The following GNA14 variants were observed in gnomAD, a reference collection of about 807,000 sequenced individuals.
GNA14 encodes the protein G protein subunit alpha 14.
In GNA14, 50 loss-of-function variants were observed where a neutral mutation model predicts 42.0. The observed-to-expected ratio is 1.19, with a 90% confidence interval of 0.95 to 1.51. GNA14 has a LOEUF of 1.51. GNA14 is among the 40% of genes most tolerant of loss of function. The pLI, the probability that GNA14 is intolerant of heterozygous loss-of-function variation, is 0.00. For missense variants in GNA14, 473 were observed against 446.2 expected, an observed-to-expected ratio of 1.06 and a Z score of -0.54; for synonymous variants, 173 against 163.1, an observed-to-expected ratio of 1.06 and a Z score of -0.46.
chr9:77,457,095 A>G lies in GNA14; in HGVS notation c.310-22573T>C, dbSNP rs145309163. Among the ~76,000 whole-genome samples the G allele has an allele frequency of 3.3e-3, 505 of 152,302 alleles. 4 individuals carry two copies. Among genetic ancestry groups the G allele is most frequent in the African/African-American group, 0.012 (489 of 41,550 alleles). ...CCAGGGTGCTTACTTTATACCTAAC[A>G]CTTACAAAGTTTCAGCCAGAACGAC... is the stretch of plus-strand genomic sequence containing the variant. On this transcript the variant is annotated intron_variant, in intron 2 of 6. Transcript: ENST00000341700.
intron 1 of GNA14, among the ~76,000 whole-genome samples, chr9:77,550,440 G>A (rs546633640): frequency 6.6e-6 from 1 of 152,172 alleles, no homozygotes; most frequent in Non-Finnish European, 1.5e-5. Context: ...AGCTAAAGGT[G>A]CTAAGATTCC....
rs796573850 is a variant in GNA14, at chr9:77,581,012, A to G, written c.125-51759T>C. Among the ~76,000 whole-genome samples the G allele has an allele frequency of 4.0e-5, 6 of 150,010 alleles. No individual in the cohort carries two copies. The South Asian group carries it at 1.3e-3, about 32-fold the overall frequency. ...AAAGATACAATAAAGGCACACACAC[A>G]CACACACACACACACACACACACAC... On this transcript the variant is annotated intron_variant, in intron 1 of 6. Transcript: ENST00000341700.
chr9:77,492,272 T>G (rs1836788011), intron 2 of GNA14, among the ~76,000 whole-genome samples: 1 of 151,566 alleles, frequency 6.6e-6, no homozygotes, highest in Non-Finnish European at 1.5e-5. Context: ...AACCCAAAAT[T>G]AGTAGAAAGA....
At position 77,423,958 on chromosome 9, in the gene GNA14, G is replaced by C. The variant is rs778014252; in HGVS notation, c.*21C>G. ...TTGCAAATCACATCTTCTGTTATAG[G>C]GGAGGAGTGGGCAGCAGCTTTTAGA... On this transcript the variant is annotated 3_prime_UTR_variant, in exon 7 of 7. Coordinates refer to ENST00000341700, the MANE Select transcript of GNA14 (RefSeq NM_004297.4). 5.8e-6 allele frequency: 9 copies of C among 1,539,052 alleles called. No individual in the cohort carries two copies. Among genetic ancestry groups the C allele is most frequent in the Non-Finnish European group, 7.1e-6 (8 of 1,132,172 alleles).
At chr9:77,620,757 G>T (rs1284227657) in intron 1 of GNA14, among the ~76,000 whole-genome samples, 1 of 145,420 alleles carries the variant, frequency 6.9e-6, no homozygotes, top group Non-Finnish European at 1.5e-5. Flanking sequence ...TGAGGCAGGA[G>T]AATTTGTTTG....
chr9:77,522,379 C>G (rs1166267716), intron 2 of GNA14, among the ~76,000 whole-genome samples: 1 of 152,180 alleles, frequency 6.6e-6, no homozygotes, highest in East Asian at 1.9e-4. Flanking sequence ...TCAAAGGAAA[C>G]AAACAGCATT....
intron 2 of GNA14, among the ~76,000 whole-genome samples, chr9:77,490,089 C>T (rs1446547572): frequency 6.6e-6 from 1 of 152,046 alleles, no homozygotes; most frequent in African/African-American, 2.4e-5. Context: ...TCGATTGGTG[C>T]ACTCACAAAC....
intron 1 of GNA14, among the ~76,000 whole-genome samples, chr9:77,568,272 GA>G (rs2131794245): frequency 6.6e-6 from 1 of 152,124 alleles, no homozygotes; most frequent in African/African-American, 2.4e-5. Flanking sequence ...CCAACATGGT[GA>G]AACCAAAAAT....
chr9:77,645,828 C>A (rs1033153115), intron 1 of GNA14, among the ~76,000 whole-genome samples: 1 of 152,186 alleles, frequency 6.6e-6, no homozygotes, highest in Non-Finnish European at 1.5e-5. Flanking sequence ...GTACTTCATA[C>A]ATTGACACAA....
At chr9:77,638,110 C>T (rs943183075) in intron 1 of GNA14, among the ~76,000 whole-genome samples, 22 of 152,156 alleles carry the variant, frequency 1.4e-4, no homozygotes, top group Non-Finnish European at 2.6e-4. Flanking sequence ...ATTTGATAGT[C>T]AACTAGCCTA....
At chr9:77,471,205 T>C (rs1209647800) in intron 2 of GNA14, among the ~76,000 whole-genome samples, 1 of 152,160 alleles carries the variant, frequency 6.6e-6, no homozygotes, top group African/African-American at 2.4e-5. Context: ...AAAGAAACGC[T>C]GGGGCCAATT....
chr9:77,430,117 G>A (rs1835520699), intron 4 of GNA14, among the ~76,000 whole-genome samples: 1 of 152,238 alleles, frequency 6.6e-6, no homozygotes, highest in Admixed American at 6.5e-5. Flanking sequence ...GGCTATCACA[G>A]CAGGGAACCG....
chr9:77,617,085 T>C (rs573023862), intron 1 of GNA14, among the ~76,000 whole-genome samples: 2 of 152,174 alleles, frequency 1.3e-5, no homozygotes, highest in Admixed American at 6.5e-5. Context: ...TTAGCCAGGA[T>C]GGTCTCGATC....
intron 1 of GNA14, among the ~76,000 whole-genome samples, chr9:77,597,169 G>A (rs995345800): frequency 1.3e-5 from 2 of 152,154 alleles, no homozygotes; most frequent in Admixed American, 1.3e-4. Flanking sequence ...TGAATGTCAA[G>A]CCTGGTGGAG....
chr9:77,625,807 C>T (rs1824005096), intron 1 of GNA14, among the ~76,000 whole-genome samples: 1 of 152,162 alleles, frequency 6.6e-6, no homozygotes, highest in Non-Finnish European at 1.5e-5. Context: ...AATAACGACA[C>T]TATTAAGAAA....
At chr9:77,443,706 G>A (rs1156680671) in intron 2 of GNA14, among the ~76,000 whole-genome samples, 1 of 151,736 alleles carries the variant, frequency 6.6e-6, no homozygotes. Context: ...GTCGGGGCTG[G>A]GCACTGTAAT....
chr9:77,542,286 AT>A (rs1837669992), intron 1 of GNA14, among the ~76,000 whole-genome samples: 1 of 152,076 alleles, frequency 6.6e-6, no homozygotes, highest in Non-Finnish European at 1.5e-5. Flanking sequence ...TCCTTATATG[AT>A]TTCTTCAGCT....
chr9:77,570,276 T>A (rs1823040973), intron 1 of GNA14, among the ~76,000 whole-genome samples: 1 of 152,200 alleles, frequency 6.6e-6, no homozygotes. Context: ...TACAATTCAA[T>A]GGTTTTTAAT....
chr9:77,426,330 A>T (rs769315675), intron 5 of GNA14, among the ~76,000 whole-genome samples: 5 of 150,814 alleles, frequency 3.3e-5, no homozygotes, highest in South Asian at 4.2e-4. Flanking sequence ...TCTGAGATGG[A>T]GTCTCGCTGT....
Sources: allele counts gnomAD v4.1 joint callset (sites outside exome capture counted in the v4.1 genomes callset), GRCh38; gene constraint gnomAD v4.1.1; transcripts MANE v1.5; gene names NCBI Gene and HGNC (gene_info 2026-07-23, HGNC 2026-07-21).